Variants in CNTNAP4 observed in about 807,000 individuals in gnomAD.
CNTNAP4 encodes the protein contactin associated protein family member 4, also known as contactin-associated protein-like 4.
Under a neutral mutation model 148.4 loss-of-function variants are expected in CNTNAP4, and 98 were observed. The observed-to-expected ratio is 0.66, with a 90% CI of 0.56 to 0.78. CNTNAP4 has a LOEUF of 0.78. CNTNAP4 is among the 30% of genes least tolerant of loss of function. The pLI is 0.00. For synonymous variants in CNTNAP4, 730 were observed against 565.1 expected (o/e 1.29, Z -4.14); for missense variants, 1,935 against 1,565.6 (o/e 1.24, Z -3.98).
chr16:76,282,441 T>C (rs1328055203), intron 1 of CNTNAP4, among the ~76,000 whole-genome samples: 1 of 151,946 alleles, frequency 6.6e-6, no homozygotes. Flanking sequence ...AAAATTCTGC[T>C]GTTATTTTAC....
At chr16:76,299,622 T>G (rs530063280) in intron 1 of CNTNAP4, among the ~76,000 whole-genome samples, 1 of 152,144 alleles carries the variant, frequency 6.6e-6, no homozygotes, top group African/African-American at 2.4e-5. Context: ...AAATACCATT[T>G]GACCTAGCCA....
chr16:76,286,055 A>G (rs925362688), intron 1 of CNTNAP4, among the ~76,000 whole-genome samples: 1 of 152,230 alleles, frequency 6.6e-6, no homozygotes, highest in East Asian at 1.9e-4. Flanking sequence ...TCAGTATTCA[A>G]AGATACTATG....
chr16:76,491,178 C>T (rs913616945), intron 13 of CNTNAP4, among the ~76,000 whole-genome samples: 7 of 152,026 alleles, frequency 4.6e-5, no homozygotes, highest in Non-Finnish European at 7.4e-5. Context: ...AGAATGTTTT[C>T]ATTTGGCCTC....
intron 2 of CNTNAP4, among the ~76,000 whole-genome samples, chr16:76,326,000 C>T (rs1407555046): frequency 1.3e-5 from 2 of 152,038 alleles, no homozygotes; most frequent in Non-Finnish European, 2.9e-5. Context: ...ACAAAGAAAA[C>T]TACAAGTTAA....
chr16:76,472,409 T>C (rs2081408958), intron 10 of CNTNAP4, among the ~76,000 whole-genome samples: 1 of 152,074 alleles, frequency 6.6e-6, no homozygotes, highest in African/African-American at 2.4e-5. Context: ...ATAACATATG[T>C]ATCACAACCA....
At chr16:76,525,561 A>G (rs1338245442) in intron 17 of CNTNAP4, among the ~76,000 whole-genome samples, 3 of 147,142 alleles carry the variant, frequency 2.0e-5, no homozygotes, top group African/African-American at 7.4e-5. Flanking sequence ...ACAGCCAATA[A>G]AAAAGAACTA....
chr16:76,379,879 A>G (rs1355725759), intron 3 of CNTNAP4, among the ~76,000 whole-genome samples: 1 of 152,050 alleles, frequency 6.6e-6, no homozygotes, highest in Admixed American at 6.6e-5. Flanking sequence ...GGATTTCTCT[A>G]CTCTTAAGTT....
intron 2 of CNTNAP4, among the ~76,000 whole-genome samples, chr16:76,351,084 G>T (rs577958609): frequency 6.6e-6 from 1 of 152,242 alleles, no homozygotes; most frequent in Non-Finnish European, 1.5e-5. Context: ...GGTTTCTTAG[G>T]ATATTGAATA....
intron 13 of CNTNAP4, among the ~76,000 whole-genome samples, chr16:76,491,576 G>T (rs987174462): frequency 6.6e-6 from 1 of 152,118 alleles, no homozygotes; most frequent in Non-Finnish European, 1.5e-5. Context: ...GTAATGGGTT[G>T]TTCATTGTTG....
intron 15 of CNTNAP4, among the ~76,000 whole-genome samples, chr16:76,520,909 C>T (rs1195708539): frequency 5.9e-5 from 9 of 152,100 alleles, no homozygotes; most frequent in African/African-American, 2.2e-4. Flanking sequence ...CTGTAATGAT[C>T]ATTCTTACTC....
Position 76,522,232 on chromosome 16 carries a change from ACAGCTCAACAGT to A in CNTNAP4, c.2737_2748del (p.Asn913_Leu916del), listed in dbSNP as rs757730646. On this transcript the variant is annotated inframe_deletion, in exon 17 of 24. Coordinates refer to ENST00000611870, the MANE Select transcript of CNTNAP4 (RefSeq NM_033401.5). ...CCCCCGCTGATGGGCATGTCCTGTT[ACAGCTCAACAGT>A]CAGCTCTTCGTGGGTAAGTTCTCTT... 9 of 1,613,810 alleles carry A rather than the reference ACAGCTCAACAGT, an allele frequency of 5.6e-6. No homozygotes were observed. Among genetic ancestry groups the A allele is most frequent in the Non-Finnish European group, 7.6e-6 (9 of 1,179,882 alleles).
intron 3 of CNTNAP4, among the ~76,000 whole-genome samples, chr16:76,357,733 A>C (rs954017187): frequency 3.3e-5 from 5 of 152,158 alleles, no homozygotes; most frequent in South Asian, 4.2e-4. Flanking sequence ...TCTTCTGATC[A>C]CTCTAAAAGT....
chr16:76,499,478 A>G (rs184823208), intron 15 of CNTNAP4, among the ~76,000 whole-genome samples: 1 of 151,950 alleles, frequency 6.6e-6, no homozygotes, highest in Non-Finnish European at 1.5e-5. Flanking sequence ...CAGACTTCCT[A>G]CTAATTTATT....
chr16:76,520,874 A>T (rs551269031), intron 15 of CNTNAP4, among the ~76,000 whole-genome samples: 1 of 152,322 alleles, frequency 6.6e-6, no homozygotes, highest in African/African-American at 2.4e-5. Flanking sequence ...TTTGTTCCGT[A>T]TAAAATATAA....
chr16:76,443,708 G>A (rs547157039), intron 4 of CNTNAP4, among the ~76,000 whole-genome samples: 1 of 151,970 alleles, frequency 6.6e-6, no homozygotes, highest in Admixed American at 6.6e-5. Flanking sequence ...AATAAATATT[G>A]ATTTGTACTA....
chr16:76,453,961 A>C (rs1292259854), intron 8 of CNTNAP4, among the ~76,000 whole-genome samples: 1 of 152,134 alleles, frequency 6.6e-6, no homozygotes, highest in African/African-American at 2.4e-5. Context: ...AGGTCTAAAA[A>C]TGTAAGCTTG....
At chr16:76,438,840 A>G (rs570769730) in intron 4 of CNTNAP4, among the ~76,000 whole-genome samples, 58 of 152,264 alleles carry the variant, frequency 3.8e-4, no homozygotes, top group Non-Finnish European at 6.3e-4. Flanking sequence ...CACCAAACAA[A>G]TTTAAATCTC....
intron 12 of CNTNAP4, among the ~76,000 whole-genome samples, chr16:76,483,532 C>G (rs1175441974): frequency 6.6e-6 from 1 of 152,122 alleles, no homozygotes; most frequent in East Asian, 1.9e-4. Context: ...GTAGCTCACG[C>G]CTGAGCAAAG....
intron 4 of CNTNAP4, among the ~76,000 whole-genome samples, chr16:76,440,591 G>A (rs1190649966): frequency 6.6e-6 from 1 of 152,062 alleles, no homozygotes; most frequent in African/African-American, 2.4e-5. Context: ...ATAGGTTTAT[G>A]GAACCTACTT....
Sources: allele counts gnomAD v4.1 joint callset (sites outside exome capture counted in the v4.1 genomes callset), GRCh38; gene constraint gnomAD v4.1.1; transcripts MANE v1.5; gene names NCBI Gene and HGNC (gene_info 2026-07-23, HGNC 2026-07-21).